Variants in FIG4 observed in about 807,000 individuals in gnomAD.
FIG4 encodes the protein polyphosphoinositide phosphatase.
Under a neutral mutation model 118.6 loss-of-function variants are expected in FIG4, and 112 were observed. The ratio of observed to expected loss-of-function variants is 0.94; its 90% CI spans 0.81 to 1.11. The LOEUF (loss-of-function observed/expected upper bound fraction) is 1.11, where lower values mean the gene tolerates loss of function less well. Ranked by LOEUF, FIG4 falls within the 50% of genes least tolerant of loss-of-function variation. The pLI is 0.00. For missense variants in FIG4, 969 were observed against 1,111.7 expected (o/e 0.87, Z 1.83); for synonymous variants, 369 against 381.2 (o/e 0.97, Z 0.37).
rs533644385 is a variant in FIG4 at position 109,759,627 on chromosome 6, A to G, written c.1138-623A>G. Among the ~76,000 whole-genome samples the G allele has an allele frequency of 6.6e-5, 10 of 152,300 alleles. No homozygotes were observed. The South Asian group carries it at 2.1e-3, about 32-fold the overall frequency. ...ACAGTAAAGTACTAGCTTCTCTTGAATGAGAGGCAGTGCAGTGTCTAACTA... is the reference window on the plus strand; with the variant it reads ...ACAGTAAAGTACTAGCTTCTCTTGAGTGAGAGGCAGTGCAGTGTCTAACTA... On this transcript the variant is annotated intron_variant, in intron 10 of 22. Transcript: ENST00000230124.
chr6:109,793,543 G>A (rs963026325), intron 21 of FIG4, among the ~76,000 whole-genome samples: 1 of 152,172 alleles, frequency 6.6e-6, no homozygotes, highest in Non-Finnish European at 1.5e-5. Flanking sequence ...AACCTGATGA[G>A]AACATTGCAA....
chr6:109,757,220 G>T (rs1487646908), intron 10 of FIG4, among the ~76,000 whole-genome samples: 2 of 152,030 alleles, frequency 1.3e-5, no homozygotes, highest in Middle Eastern at 3.2e-3. Context: ...TCTGATCTTA[G>T]TTATTTCTTG....
intron 3 of FIG4, among the ~76,000 whole-genome samples, chr6:109,719,464 A>T (rs1265249827): frequency 6.6e-6 from 1 of 151,788 alleles, no homozygotes; most frequent in Non-Finnish European, 1.5e-5. Flanking sequence ...GCTCGCTGCA[A>T]CCTCAACCTC....
At chr6:109,754,674 T>C (rs1776825008) in intron 10 of FIG4, among the ~76,000 whole-genome samples, 1 of 152,130 alleles carries the variant, frequency 6.6e-6, no homozygotes, top group South Asian at 2.1e-4. Context: ...CTTGGGAGGG[T>C]GTATGTGTCG....
intron 3 of FIG4, among the ~76,000 whole-genome samples, chr6:109,720,709 A>G (rs1228957805): frequency 1.3e-5 from 2 of 152,118 alleles, no homozygotes; most frequent in Non-Finnish European, 2.9e-5. Flanking sequence ...CTTCGTCTCA[A>G]TTTGTTTACT....
chr6:109,821,295 G>A (rs1278677895), intron 22 of FIG4, among the ~76,000 whole-genome samples: 1 of 152,212 alleles, frequency 6.6e-6, no homozygotes, highest in Non-Finnish European at 1.5e-5. Context: ...ACCAAAGAGA[G>A]TTCTGTGAAG....
intron 1 of FIG4, among the ~76,000 whole-genome samples, chr6:109,696,597 G>A (rs184020088): frequency 2.4e-4 from 36 of 152,334 alleles, no homozygotes; most frequent in African/African-American, 8.2e-4. Context: ...CAGCAAATAT[G>A]GATGAGTCTA....
intron 10 of FIG4, among the ~76,000 whole-genome samples, chr6:109,744,033 T>C (rs1414223782): frequency 6.6e-6 from 1 of 152,068 alleles, no homozygotes; most frequent in Non-Finnish European, 1.5e-5. Context: ...AGGAAATCAT[T>C]GTGTCCTGAT....
intron 18 of FIG4, among the ~76,000 whole-genome samples, chr6:109,788,359 C>T (rs769337705): frequency 6.6e-6 from 1 of 152,192 alleles, no homozygotes; most frequent in Non-Finnish European, 1.5e-5. Context: ...ACAGCTTCAG[C>T]ACTATGTGTG....
chr6:109,722,990 T>C (rs560462765), intron 3 of FIG4, among the ~76,000 whole-genome samples: 2 of 54,216 alleles, frequency 3.7e-5, no homozygotes, highest in South Asian at 8.2e-4. Flanking sequence ...AGAGTAGATA[T>C]CCTGTCAACG....
intron 11 of FIG4, among the ~76,000 whole-genome samples, 188 bp downstream of exon 11, chr6:109,760,571 A>G (rs567072234): frequency 2.6e-4 from 39 of 152,302 alleles, no homozygotes; most frequent in Non-Finnish European, 4.6e-4. Flanking sequence ...TATCATATAT[A>G]CCATTTGCAA....
At chr6:109,792,703 A>C in intron 21 of FIG4, 39 bp downstream of exon 21, 1 of 998,808 alleles carries the variant, frequency 1.0e-6, no homozygotes, top group Non-Finnish European at 1.6e-6. Flanking sequence ...AAAAATGAAT[A>C]TTTATAATTA....
chr6:109,813,493 T>C (rs771405077), intron 22 of FIG4, among the ~76,000 whole-genome samples: 23 of 152,226 alleles, frequency 1.5e-4, no homozygotes, highest in Non-Finnish European at 2.4e-4. Context: ...TCTGGTACAC[T>C]TCTCCACTCT....
chr6:109,778,607 GT>G (rs919146821), intron 16 of FIG4, among the ~76,000 whole-genome samples: 11 of 151,308 alleles, frequency 7.3e-5, no homozygotes, highest in East Asian at 2.0e-4. Context: ...TTGTTTGTTT[GT>G]TTTTTTCGGA....
intron 15 of FIG4, among the ~76,000 whole-genome samples, chr6:109,773,711 AC>A: frequency 6.6e-6 from 1 of 152,292 alleles, no homozygotes; most frequent in East Asian, 1.9e-4. Flanking sequence ...TTACCCTGCC[AC>A]CCAGATTGGA....
intron 22 of FIG4, among the ~76,000 whole-genome samples, chr6:109,817,116 GTTC>G (rs1400146663): frequency 6.6e-6 from 1 of 152,232 alleles, no homozygotes; most frequent in Admixed American, 6.5e-5. Flanking sequence ...GAGCACTTAT[GTTC>G]TTTGCCCTTT....
At chr6:109,746,171 T>C (rs952020484) in intron 10 of FIG4, among the ~76,000 whole-genome samples, 6 of 152,088 alleles carry the variant, frequency 3.9e-5, no homozygotes, top group Non-Finnish European at 7.4e-5. Context: ...ATAAATGGTT[T>C]TGGGAAAACC....
chr6:109,754,162 T>C (rs1208374288), intron 10 of FIG4, among the ~76,000 whole-genome samples: 1 of 152,192 alleles, frequency 6.6e-6, no homozygotes, highest in African/African-American at 2.4e-5. Flanking sequence ...GTTGTTGAAT[T>C]TTCTCAAAGG....
intron 10 of FIG4, 117 bp downstream of exon 10, chr6:109,743,889 A>G: frequency 1.3e-6 from 1 of 790,192 alleles, no homozygotes; most frequent in Non-Finnish European, 2.2e-6. Context: ...AGACGTGCAG[A>G]TTATTATGCT....
Sources: allele counts gnomAD v4.1 joint callset (sites outside exome capture counted in the v4.1 genomes callset), GRCh38; gene constraint gnomAD v4.1.1; transcripts MANE v1.5; gene names NCBI Gene and HGNC (gene_info 2026-07-23, HGNC 2026-07-21).